MMP26: variants seen among roughly 807,000 people sequenced by gnomAD.
MMP26 encodes the protein matrix metalloproteinase-26.
A neutral mutation model predicts 31.0 loss-of-function variants in MMP26; 33 were observed. The observed-to-expected ratio is 1.06, with a 90% CI of 0.81 to 1.42. The LOEUF (loss-of-function observed/expected upper bound fraction) is 1.42, where lower values mean the gene tolerates loss of function less well. Ranked by LOEUF, MMP26 falls within the 40% of genes most tolerant of loss-of-function variation. MMP26 has a pLI of 0.00. For missense variants in MMP26, 347 were observed against 316.1 expected (o/e 1.10, Z -0.74); for synonymous variants, 122 against 114.9 (o/e 1.06, Z -0.40).
intron 2 of MMP26, among the ~76,000 whole-genome samples, chr11:4,812,442 T>C (rs533431220): frequency 6.6e-6 from 1 of 152,092 alleles, no homozygotes; most frequent in Non-Finnish European, 1.5e-5. Context: ...ACAGCCACAG[T>C]AGAACGCGTG....
intron 1 of MMP26, among the ~76,000 whole-genome samples, chr11:4,714,772 AT>A: frequency 6.6e-6 from 1 of 152,260 alleles, no homozygotes; most frequent in Non-Finnish European, 1.5e-5. Context: ...CTTGAAACAC[AT>A]TCTTACAATG....
At chr11:4,781,198 T>C (rs1302997370) in intron 2 of MMP26, among the ~76,000 whole-genome samples, 3 of 152,190 alleles carry the variant, frequency 2.0e-5, no homozygotes, top group African/African-American at 7.2e-5. Flanking sequence ...TGGTGATGGT[T>C]GTACGACTGC....
At chr11:4,988,954 A>G (rs901978058) in intron 3 of MMP26, among the ~76,000 whole-genome samples, 1 of 152,198 alleles carries the variant, frequency 6.6e-6, no homozygotes, top group African/African-American at 2.4e-5. Context: ...TAATTTAAAA[A>G]AAACAGTCAA....
intron 2 of MMP26, among the ~76,000 whole-genome samples, chr11:4,776,821 A>G (rs925262812): frequency 6.6e-6 from 1 of 152,086 alleles, no homozygotes. Flanking sequence ...CTTCCCAGTC[A>G]TATTTCCTGT....
At chr11:4,710,546 C>T (rs1847848336) in intron 1 of MMP26, 1 of 388,508 alleles carries the variant, frequency 2.6e-6, no homozygotes, top group Non-Finnish European at 5.2e-6. Flanking sequence ...TTTACCAAGT[C>T]TTCCCTGACC....
intron 2 of MMP26, among the ~76,000 whole-genome samples, chr11:4,912,308 C>G (rs1047568043): frequency 4.6e-5 from 7 of 152,100 alleles, no homozygotes; most frequent in African/African-American, 1.4e-4. Context: ...GTAGAACTTT[C>G]TATACCTGAC....
chr11:4,955,369 T>G, intron 2 of MMP26: 1 of 1,223,478 alleles, frequency 8.2e-7, no homozygotes, highest in Non-Finnish European at 1.1e-6. Flanking sequence ...TCAGGAGGAC[T>G]GAGGACTCCA....
intron 1 of MMP26, chr11:4,756,520 T>C (rs780710092): frequency 6.6e-6 from 1 of 151,912 alleles, no homozygotes; most frequent in Non-Finnish European, 1.5e-5. Flanking sequence ...GCAGAAAATA[T>C]GGATTTCCTA....
intron 1 of MMP26, among the ~76,000 whole-genome samples, chr11:4,707,834 C>A (rs1426282825): frequency 1.3e-5 from 2 of 152,110 alleles, no homozygotes; most frequent in Non-Finnish European, 2.9e-5. Flanking sequence ...TTGTGCTAGC[C>A]ATTTTTTCTG....
chr11:4,849,163 T>A, intron 2 of MMP26: 1 of 1,613,732 alleles, frequency 6.2e-7, no homozygotes, highest in Non-Finnish European at 8.5e-7. Flanking sequence ...GTGGGGGCCA[T>A]TGAAGTGCTG....
intron 2 of MMP26, among the ~76,000 whole-genome samples, chr11:4,968,045 G>A (rs376076000): frequency 1.3e-5 from 2 of 151,958 alleles, no homozygotes; most frequent in South Asian, 4.1e-4. Flanking sequence ...GTTTTGCTTG[G>A]TTTTATGTTA....
At chr11:4,953,976 C>A (rs1282731833) in intron 2 of MMP26, among the ~76,000 whole-genome samples, 8 of 125,534 alleles carry the variant, frequency 6.4e-5, no homozygotes, top group African/African-American at 2.2e-4. Flanking sequence ...ATCGCTTGAA[C>A]CTGGGAGGCG....
chr11:4,788,774 T>C (rs996810172), intron 2 of MMP26, among the ~76,000 whole-genome samples: 1 of 152,144 alleles, frequency 6.6e-6, no homozygotes, highest in Non-Finnish European at 1.5e-5. Context: ...ATTCTCAATG[T>C]GATTTCATTC....
At chr11:4,830,051 A>C (rs1849626509) in intron 2 of MMP26, 1 of 152,208 alleles carries the variant, frequency 6.6e-6, no homozygotes, top group African/African-American at 2.4e-5. Context: ...AATTAAAACA[A>C]AAGTCATTGT....
intron 2 of MMP26, among the ~76,000 whole-genome samples, chr11:4,868,181 G>A (rs577324957): frequency 2.6e-5 from 4 of 152,202 alleles, no homozygotes; most frequent in Non-Finnish European, 5.9e-5. Flanking sequence ...ACCTATAAGT[G>A]GGAGCTGAAT....
At chr11:4,785,307 T>C (rs1848925239) in intron 2 of MMP26, among the ~76,000 whole-genome samples, 1 of 152,230 alleles carries the variant, frequency 6.6e-6, no homozygotes, top group East Asian at 1.9e-4. Flanking sequence ...ACTCCATGTC[T>C]CATCTTATTA....
chr11:4,910,673 G>T (rs1010534512), intron 2 of MMP26, among the ~76,000 whole-genome samples: 4 of 152,012 alleles, frequency 2.6e-5, no homozygotes, highest in African/African-American at 9.7e-5. Context: ...ATTGTTTAAA[G>T]ATTGCTTACA....
chr11:4,900,548 A>G (rs1025025644), intron 2 of MMP26, among the ~76,000 whole-genome samples: 1 of 152,178 alleles, frequency 6.6e-6, no homozygotes, highest in Non-Finnish European at 1.5e-5. Context: ...AGCTACTTCA[A>G]TTAGGAGCCA....
chr11:4,914,945 A>G, intron 2 of MMP26: 1 of 1,614,122 alleles, frequency 6.2e-7, no homozygotes, highest in East Asian at 2.2e-5. Context: ...AAGGGCCTTG[A>G]ATCTCTCAGC....
Sources: allele counts gnomAD v4.1 joint callset (sites outside exome capture counted in the v4.1 genomes callset), GRCh38; gene constraint gnomAD v4.1.1; transcripts MANE v1.5; gene names NCBI Gene and HGNC (gene_info 2026-07-23, HGNC 2026-07-21).